Variants in DAPK2 observed in about 807,000 individuals in gnomAD.
The protein encoded by DAPK2 is death-associated protein kinase 2.
DAPK2 carries 35 observed loss-of-function variants against 44.1 expected under a neutral mutation model. The ratio of observed to expected loss-of-function variants is 0.79; its 90% CI spans 0.61 to 1.05. The LOEUF is 1.05. Among genes scored for constraint, DAPK2 ranks in the 50% least tolerant of loss-of-function variants. The pLI is 0.00. For synonymous variants in DAPK2, 174 were observed against 182.6 expected (o/e 0.95, Z 0.38); for missense variants, 453 against 483.2 (o/e 0.94, Z 0.59).
chr15:64,031,976 G>A (rs895725663), intron 1 of DAPK2, among the ~76,000 whole-genome samples: 7 of 152,190 alleles, frequency 4.6e-5, no homozygotes, highest in African/African-American at 1.7e-4. Context: ...GCTTGGCTGA[G>A]GTATTCTGCC....
At chr15:64,007,205 T>C (rs2079257681) in intron 1 of DAPK2, among the ~76,000 whole-genome samples, 1 of 151,994 alleles carries the variant, frequency 6.6e-6, no homozygotes, top group Non-Finnish European at 1.5e-5. Flanking sequence ...TCTCCAGTGA[T>C]CCTCCCACCT....
intron 3 of DAPK2, among the ~76,000 whole-genome samples, chr15:63,943,070 A>C (rs535580110): frequency 9.2e-5 from 14 of 151,906 alleles, no homozygotes; most frequent in African/African-American, 3.4e-4. Flanking sequence ...CACTTCATTG[A>C]ACTCTCAACT....
chr15:63,985,682 AT>A (rs1291589547), intron 1 of DAPK2, among the ~76,000 whole-genome samples: 2 of 152,186 alleles, frequency 1.3e-5, no homozygotes, highest in Admixed American at 1.3e-4. Flanking sequence ...TGGCATCCAA[AT>A]CCCCCAGCTC....
In DAPK2 at chr15:63,939,895, A is replaced by T. The variant is rs1357331824; in HGVS notation, c.454-534T>A. Among the ~76,000 whole-genome samples the T allele has an allele frequency of 6.6e-6, 1 of 152,128 alleles. No individual in the cohort carries two copies. Among genetic ancestry groups the T allele is most frequent in the African/African-American group, 2.4e-5 (1 of 41,414 alleles). ...CCTCTAGACTCACTGTGTAGCCCAC[A>T]CTTCTCTCTGCGTTTAACTAATTTT... On this transcript the variant is annotated intron_variant, in intron 3 of 10. Coordinates refer to ENST00000261891, the Ensembl canonical transcript of DAPK2. The surrounding 1 kb of genome is among the most constrained non-coding windows in gnomAD (Gnocchi z 4.3).
intron 3 of DAPK2, among the ~76,000 whole-genome samples, chr15:63,948,747 C>A (rs2077515065): frequency 6.6e-6 from 1 of 152,204 alleles, no homozygotes; most frequent in African/African-American, 2.4e-5. Flanking sequence ...TGTAGCACTT[C>A]ACAGTTTACA....
chr15:63,937,597 C>G lies in DAPK2; in HGVS notation c.583+1635G>C, dbSNP rs369564545. ...TCCCTCCCCACCCCTCTTCAGAGAC[C>G]TCTCCCACTCCAACACCAGCCCTTT... On this transcript the variant is annotated intron_variant, in intron 4 of 10. Transcript: ENST00000261891. Among the ~76,000 whole-genome samples, 278 of 152,270 alleles carry G rather than the reference C, an allele frequency of 1.8e-3. 1 individual carries two copies. Among genetic ancestry groups the G allele is most frequent in the African/African-American group, 5.9e-3 (247 of 41,552 alleles).
intron 4 of DAPK2, among the ~76,000 whole-genome samples, chr15:63,930,681 G>A (rs1182026278): frequency 6.6e-6 from 1 of 152,164 alleles, no homozygotes; most frequent in Admixed American, 6.5e-5. Flanking sequence ...AATCCCCAAT[G>A]CAATAGTATT....
chr15:63,921,010 C>A (rs545154941), intron 8 of DAPK2: 1 of 152,406 alleles, frequency 6.6e-6, no homozygotes, highest in South Asian at 2.1e-4. Flanking sequence ...CAGGCCCCTG[C>A]AGTGCTATGT....
At chr15:63,948,527 G>A (rs1383660919) in intron 3 of DAPK2, among the ~76,000 whole-genome samples, 1 of 151,938 alleles carries the variant, frequency 6.6e-6, no homozygotes, top group Non-Finnish European at 1.5e-5. Flanking sequence ...AAGGCACTAA[G>A]GGGAAAATCC....
intron 1 of DAPK2, among the ~76,000 whole-genome samples, chr15:63,989,564 T>C (rs1009441969): frequency 6.6e-6 from 1 of 152,162 alleles, no homozygotes; most frequent in African/African-American, 2.4e-5. Flanking sequence ...AAGAGAACAG[T>C]ATTCGACATT....
At chr15:63,958,331 T>C (rs2140599412) in intron 3 of DAPK2, among the ~76,000 whole-genome samples, 1 of 152,364 alleles carries the variant, frequency 6.6e-6, no homozygotes. Context: ...GTAGTTTCTT[T>C]TGCTGTGCAG....
At chr15:63,967,639 C>T (rs187236774) in intron 3 of DAPK2, among the ~76,000 whole-genome samples, 2,790 of 152,076 alleles carry the variant, frequency 0.018, 31 homozygotes, top group Non-Finnish European at 0.028. Context: ...TGCAGGGAGC[C>T]GAGATTGTGC....
intron 3 of DAPK2, chr15:63,942,357 G>C (rs1311660580): frequency 9.6e-6 from 4 of 417,408 alleles, no homozygotes; most frequent in Non-Finnish European, 1.3e-5. Flanking sequence ...TTCGAGACCA[G>C]CCTGGCCAAC....
chr15:64,007,985 A>T (rs1474191048), intron 1 of DAPK2, among the ~76,000 whole-genome samples: 2 of 152,284 alleles, frequency 1.3e-5, no homozygotes, highest in Middle Eastern at 3.4e-3. Flanking sequence ...CCACAGACAG[A>T]AGGAAGATTA....
At chr15:63,986,869 G>T (rs1332563717) in intron 1 of DAPK2, among the ~76,000 whole-genome samples, 1 of 117,046 alleles carries the variant, frequency 8.5e-6, no homozygotes, top group Non-Finnish European at 2.0e-5. Context: ...ACTTACAACA[G>T]CTTTCTGATT....
At chr15:64,022,481 C>T (rs568337936) in intron 1 of DAPK2, among the ~76,000 whole-genome samples, 8 of 152,192 alleles carry the variant, frequency 5.3e-5, no homozygotes, top group Non-Finnish European at 7.4e-5. Flanking sequence ...GTGACTACTT[C>T]CGTAAAGAAC....
chr15:63,926,120 T>C (rs2079254633), intron 6 of DAPK2, 27 bp from the exon 8 acceptor site: 1 of 1,575,986 alleles, frequency 6.3e-7, no homozygotes, highest in Non-Finnish European at 8.6e-7. Flanking sequence ...GGGAATCAAA[T>C]AACTAAGGGA....
intron 1 of DAPK2, among the ~76,000 whole-genome samples, chr15:64,036,990 G>T (rs767313314): frequency 6.6e-6 from 1 of 152,196 alleles, no homozygotes; most frequent in Non-Finnish European, 1.5e-5. Flanking sequence ...TCCTGACTCA[G>T]CATCTCATTT....
At chr15:64,044,563 G>A (rs546823431), upstream of DAPK2, among the ~76,000 whole-genome samples, 4 of 152,250 alleles carry the variant, frequency 2.6e-5, no homozygotes, top group African/African-American at 9.6e-5. Flanking sequence ...CATCATACAG[G>A]TGACCCATCC....
Sources: gnomAD v4.1 joint callset for allele counts (sites outside exome capture counted in the v4.1 genomes callset) on GRCh38, gnomAD v4.1.1 for gene constraint, Gnocchi (gnomAD v3.1) non-coding constraint, MANE v1.5 for transcripts, NCBI Gene and HGNC (gene_info 2026-07-23, HGNC 2026-07-21) for gene names.